The following BLOC1S6 variants were observed in gnomAD, a reference collection of about 807,000 sequenced individuals.
The protein encoded by BLOC1S6 is biogenesis of lysosomal organelles complex 1 subunit 6, also known as biogenesis of lysosome-related organelles complex 1 subunit 6.
A neutral mutation model predicts 24.7 loss-of-function variants in BLOC1S6; 24 were observed. The ratio of observed to expected loss-of-function variants is 0.97; its 90% CI spans 0.70 to 1.37. BLOC1S6 has a LOEUF of 1.37. BLOC1S6 is among the 40% of genes most tolerant of loss of function. The pLI is 0.00. For synonymous variants in BLOC1S6, 76 were observed against 72.6 expected (o/e 1.05, Z -0.23); for missense variants, 175 against 196.2 (o/e 0.89, Z 0.64).
Position 45,606,687 on chromosome 15 carries a change from G to T in BLOC1S6, c.*173G>T. 6 of 779,456 alleles carry T rather than the reference G, an allele frequency of 7.7e-6. No individual in the cohort carries two copies. Among genetic ancestry groups the T allele is most frequent in the Non-Finnish European group, 1.2e-5 (6 of 503,342 alleles). The allele number at this position is 779,456 out of a possible 1,614,324, so 48.3% of individuals were successfully genotyped here. A position where few individuals can be genotyped will look rare whatever the true frequency, so the allele number is the denominator to read the frequency against. ...CCAAGTAGCAGACGTCATGTTGCAT[G>T]GTTTTTGATATTTATATGTAAGTTT... On this transcript the variant is annotated 3_prime_UTR_variant, in exon 5 of 5. Transcript: ENST00000220531.
At chr15:45,589,412 T>C (rs1893802482) in intron 1 of BLOC1S6, among the ~76,000 whole-genome samples, 3 of 152,218 alleles carry the variant, frequency 2.0e-5, no homozygotes, top group African/African-American at 7.2e-5. Context: ...GTGTTTTAAG[T>C]TTTTACAGTG....
chr15:45,597,865 G>C (rs779116227), intron 2 of BLOC1S6: 2 of 360,808 alleles, frequency 5.5e-6, no homozygotes, highest in South Asian at 4.0e-5. Context: ...TCTTTTTCTT[G>C]TCTTGCTGTA....
rs760751818 is a variant in BLOC1S6 at position 45,606,503 on chromosome 15, A to G, written c.508A>G (p.Lys170Glu). 1.2e-5 allele frequency: 19 copies of G among 1,614,070 alleles called. No individual in the cohort carries two copies. Among genetic ancestry groups the G allele is most frequent in the Middle Eastern group, 3.3e-4 (2 of 6,084 alleles). Residue 170 changes from lysine (K) to glutamate (E), a missense_variant, in exon 5 of 5, where the codon AAA becomes GAA. Physicochemically the swap from Lys to Glu is moderately conservative, Grantham distance 56. Transcript: ENST00000220531. ...AAAGCAGTTAACTGCCAGACCAGCC[A>G]AAAGGATGTGAAAAGTTGTGTTTGT... ...REKQLTARPA[K>E]RM
At chr15:45,597,641 A>G (rs1017470980) in intron 2 of BLOC1S6, among the ~76,000 whole-genome samples, 2 of 152,206 alleles carry the variant, frequency 1.3e-5, no homozygotes, top group Middle Eastern at 3.2e-3. Context: ...GGGAGCTACT[A>G]TAAATGGTAT....
upstream of BLOC1S6, chr15:45,587,348 C>T: frequency 1.5e-5 from 19 of 1,241,164 alleles, no homozygotes; most frequent in Non-Finnish European, 2.2e-5. Flanking sequence ...GTGCGACAAT[C>T]TCTTCTGTCC....
rs541245642 is a variant in BLOC1S6, at chr15:45,609,572, T to C, written c.*3058T>C. 3 of 152,326 alleles carry C rather than the reference T, an allele frequency of 2.0e-5. No individual in the cohort carries two copies. The highest frequency in any genetic ancestry group is 2.1e-4 in the South Asian group (1 of 4,824). The allele number at this position is 152,326 out of a possible 1,614,324, so 9.4% of individuals were successfully genotyped here. On this transcript the variant is annotated 3_prime_UTR_variant, in exon 5 of 5. Coordinates refer to ENST00000220531, the MANE Select transcript of BLOC1S6 (RefSeq NM_012388.4). Reference sequence around the variant, plus strand: ...AAATATGCAAATGTTGAATGTAATATAGATTGTGTCCTCATTGAGTTTTTG... The same window carrying C: ...AAATATGCAAATGTTGAATGTAATACAGATTGTGTCCTCATTGAGTTTTTG...
At chr15:45,601,033 G>A (rs949368821) in intron 2 of BLOC1S6, among the ~76,000 whole-genome samples, 2 of 152,168 alleles carry the variant, frequency 1.3e-5, no homozygotes, top group African/African-American at 4.8e-5. Context: ...GGTTATGGAT[G>A]TCAGCCTTTA....
intron 2 of BLOC1S6, 28 bp downstream of exon 2, chr15:45,592,304 C>G (rs1893917393): frequency 6.2e-7 from 1 of 1,611,370 alleles, no homozygotes; most frequent in African/African-American, 1.3e-5. Flanking sequence ...CAGATATACA[C>G]TCATTTCCTC....
intron 1 of BLOC1S6, chr15:45,587,807 G>T (rs894358942): frequency 5.7e-6 from 4 of 700,130 alleles, no homozygotes; most frequent in Non-Finnish European, 1.0e-5. Context: ...GTACGTCATT[G>T]GTTATTTGTC....
intron 2 of BLOC1S6, among the ~76,000 whole-genome samples, chr15:45,595,288 C>G (rs952848322): frequency 2.0e-5 from 3 of 152,204 alleles, no homozygotes; most frequent in South Asian, 2.1e-4. Context: ...AGGGGCCCAT[C>G]ATGAGTCACT....
At chr15:45,602,804 T>C (rs1056505449) in intron 2 of BLOC1S6, among the ~76,000 whole-genome samples, 4 of 152,220 alleles carry the variant, frequency 2.6e-5, no homozygotes, top group Non-Finnish European at 5.9e-5. Context: ...AAAAACTTCT[T>C]TTTTGGAATA....
chr15:45,606,265 T>G, intron 4 of BLOC1S6, 130 bp from the exon 5 acceptor site: 1 of 1,335,544 alleles, frequency 7.5e-7, no homozygotes, highest in Non-Finnish European at 1.0e-6. Context: ...TATCCCAAAT[T>G]TAAATGTCCA....
chr15:45,602,527 A>G (rs1894306793), intron 2 of BLOC1S6, among the ~76,000 whole-genome samples: 1 of 152,218 alleles, frequency 6.6e-6, no homozygotes, highest in Non-Finnish European at 1.5e-5. Context: ...TGATCTTCTC[A>G]CTTTGTAAAT....
chr15:45,592,336 A>T (rs1893919050), intron 2 of BLOC1S6, 60 bp downstream of exon 2: 14 of 1,563,180 alleles, frequency 9.0e-6, no homozygotes, highest in Non-Finnish European at 1.2e-5. Flanking sequence ...CACAATTTGT[A>T]TAATTGTATA....
In BLOC1S6 at chr15:45,608,447, T is replaced by G. The variant is rs1894556477; in HGVS notation, c.*1933T>G. ...TCTGACAAAGGTAGTACAGCGTTTC[T>G]GAGTCATTTGGGACCAACTGCAGTG... On this transcript the variant is annotated 3_prime_UTR_variant, in exon 5 of 5. Transcript: ENST00000220531. The G allele has an allele frequency of 6.6e-6, 1 of 152,258 alleles. No homozygotes were observed. The highest frequency in any genetic ancestry group is 2.4e-5 in the African/African-American group (1 of 41,476). 9.4% of individuals were successfully genotyped at this position (152,258 alleles called of 1,614,324 possible). A position where few individuals can be genotyped will look rare whatever the true frequency, so the allele number is the denominator to read the frequency against.
At chr15:45,587,559 C>T in intron 1 of BLOC1S6, 34 bp downstream of exon 1, 1 of 1,541,702 alleles carries the variant, frequency 6.5e-7, no homozygotes, top group Non-Finnish European at 8.7e-7. Flanking sequence ...GCGGCCCGGG[C>T]TGGGTGTGAG....
intron 1 of BLOC1S6, among the ~76,000 whole-genome samples, chr15:45,591,264 T>C (rs905118231): frequency 1.3e-5 from 2 of 152,178 alleles, no homozygotes; most frequent in Admixed American, 6.5e-5. Flanking sequence ...TATATCAAAA[T>C]CGATGTTGAC....
intron 2 of BLOC1S6, among the ~76,000 whole-genome samples, chr15:45,593,161 A>AGGCG (rs1893944666): frequency 6.6e-6 from 1 of 152,064 alleles, no homozygotes; most frequent in Admixed American, 6.6e-5. Context: ...TGGGAGGCTG[A>AGGCG]GGCGGGCGGA....
At chr15:45,597,240 C>T (rs1192834639) in intron 2 of BLOC1S6, among the ~76,000 whole-genome samples, 3 of 152,034 alleles carry the variant, frequency 2.0e-5, no homozygotes, top group Non-Finnish European at 4.4e-5. Flanking sequence ...ACTTTGGGAG[C>T]CTGGGGCAGA....
Sources: allele counts gnomAD v4.1 joint callset (sites outside exome capture counted in the v4.1 genomes callset), GRCh38; gene constraint gnomAD v4.1.1; transcripts MANE v1.5; gene names NCBI Gene and HGNC (gene_info 2026-07-23, HGNC 2026-07-21).